TRIM58: variants seen among roughly 807,000 people sequenced by gnomAD.
TRIM58 encodes the protein tripartite motif containing 58.
Under a neutral mutation model 34.1 loss-of-function variants are expected in TRIM58, and 38 were observed. That is an observed-to-expected ratio of 1.12 (90% CI 0.86 to 1.46). The LOEUF is 1.46. TRIM58 is among the 40% of genes most tolerant of loss of function. The pLI, the probability that TRIM58 is intolerant of heterozygous loss-of-function variation, is 0.00. For missense variants in TRIM58, 677 were observed against 642.0 expected (o/e 1.05, Z -0.59); for synonymous variants, 273 against 275.7 (o/e 0.99, Z 0.10).
intron 5 of TRIM58, among the ~76,000 whole-genome samples, chr1:247,871,766 A>G (rs951315939): frequency 1.3e-5 from 2 of 152,252 alleles, no homozygotes; most frequent in African/African-American, 4.8e-5. Context: ...TTCAACAACA[A>G]CAACAAAATA....
chr1:247,858,752 CTTTTTTTTTTTTTT>C lies in TRIM58; in HGVS notation c.420+1099_420+1112del, dbSNP rs386370399. Among the ~76,000 whole-genome samples, 76 of 87,876 alleles carry C rather than the reference CTTTTTTTTTTTTTT, an allele frequency of 8.6e-4. 1 individual carries two copies. The highest frequency in any genetic ancestry group is 3.4e-3 in the African/African-American group (70 of 20,848). The allele number at this position is 87,876 out of a possible 152,430, so 57.7% of individuals were successfully genotyped here. A position where few individuals can be genotyped will look rare whatever the true frequency, so the allele number is the denominator to read the frequency against. ...AGTCCAGAAAGAGGATTGGTAGTAA[CTTTTTTTTTTTTTT>C]TTTTTTTTTTTTGAGACGGAGTCTA... On this transcript the variant is annotated intron_variant, in intron 1 of 5. Coordinates refer to ENST00000366481, the MANE Select transcript of TRIM58 (RefSeq NM_015431.4).
chr1:247,866,670 A>G (rs1490015685), intron 3 of TRIM58, among the ~76,000 whole-genome samples: 3 of 151,786 alleles, frequency 2.0e-5, no homozygotes, highest in Non-Finnish European at 4.4e-5. Flanking sequence ...TGGCTCAATC[A>G]TAGCTCACTG....
chr1:247,870,287 G>T (rs958061194), intron 5 of TRIM58, among the ~76,000 whole-genome samples: 2 of 151,996 alleles, frequency 1.3e-5, no homozygotes, highest in African/African-American at 4.8e-5. Flanking sequence ...ATTAGGATTG[G>T]TATATTCATG....
In TRIM58 at chr1:247,871,016, C is replaced by T. The variant is rs111882588; in HGVS notation, c.871+2953C>T. ...GCCACCCATAGAGCCTGCACCACCA[C>T]GCCCAGAAGAACGAGGATTAGTATA... On this transcript the variant is annotated intron_variant, in intron 5 of 5. Coordinates refer to ENST00000366481, the MANE Select transcript of TRIM58 (RefSeq NM_015431.4). Among the ~76,000 whole-genome samples the T allele has an allele frequency of 1.1e-3, 156 of 137,510 alleles. No homozygotes were observed. The East Asian group carries it at 0.02, about 17-fold the overall frequency. The allele number at this position is 137,510 out of a possible 152,430, so 90.2% of individuals were successfully genotyped here. A position where few individuals can be genotyped will look rare whatever the true frequency, so the allele number is the denominator to read the frequency against.
intron 5 of TRIM58, 125 bp downstream of exon 5, chr1:247,868,188 T>G (rs1424782386): frequency 2.7e-6 from 2 of 749,846 alleles, no homozygotes; most frequent in Non-Finnish European, 4.4e-6. Context: ...TTTGTCACTA[T>G]GCCAGTCAGC....
In TRIM58 at chr1:247,858,891, C is replaced by G. The variant is rs187236197; in HGVS notation, c.420+1225C>G. Among the ~76,000 whole-genome samples the G allele has an allele frequency of 2.9e-3, 436 of 151,374 alleles. 2 individuals carry two copies. The highest frequency in any genetic ancestry group is 0.01 in the African/African-American group (421 of 41,242). The stretch of plus-strand genomic sequence containing the variant: ...AAGCAATTCTCCTGCCTCAGCCTCC[C>G]GGGTAGCTGGGATTACAGGTATGCG... On this transcript the variant is annotated intron_variant, in intron 1 of 5. Transcript: ENST00000366481.
Position 247,879,414 on chromosome 1 carries a change from C to T in TRIM58, c.*2925C>T, listed in dbSNP as rs1659360078. Among the ~76,000 whole-genome samples the T allele has an allele frequency of 6.6e-6, 1 of 152,180 alleles. No individual in the cohort carries two copies. The highest frequency in any genetic ancestry group is 2.1e-4 in the South Asian group (1 of 4,830). ...TTTCCTCACAGTGGTCCTGCTTGGGCTCTAGGCCCTTCCACTCCCATTCTC... is the reference window on the plus strand; with the variant it reads ...TTTCCTCACAGTGGTCCTGCTTGGGTTCTAGGCCCTTCCACTCCCATTCTC... On this transcript the variant is annotated 3_prime_UTR_variant, in exon 6 of 6. Transcript: ENST00000366481.
chr1:247,865,061 T>G, intron 3 of TRIM58, 126 bp downstream of exon 3: 1 of 865,330 alleles, frequency 1.2e-6, no homozygotes. Flanking sequence ...TCAAATTTAC[T>G]CAGAAGGCAG....
Position 247,876,472 on chromosome 1 carries a change from A to T in TRIM58, c.1444A>T (p.Arg482Ter), listed in dbSNP as rs1659290575. The part of the protein sequence containing the change: ...RDHLDPASDV[R>*]DDHL ...TCATTTAGATCCTGCTTCTGATGTA[A>T]GAGATGATCATCTCTAAAATTCTGT... The change falls in exon 6 of 6, where the codon AGA (arginine) becomes TGA (stop). Residue 482 changes from arginine to a stop codon, truncating the protein, a stop_gained. Transcript: ENST00000366481. LOFTEE classifies it high-confidence loss of function. 2 of 1,613,346 alleles carry T rather than the reference A, an allele frequency of 1.2e-6. No individual in the cohort carries two copies. Among genetic ancestry groups the T allele is most frequent in the Non-Finnish European group, 1.7e-6 (2 of 1,179,724 alleles).
chr1:247,877,476 G>A lies in TRIM58; in HGVS notation c.*987G>A, dbSNP rs1659317350. On this transcript the variant is annotated 3_prime_UTR_variant, in exon 6 of 6. Transcript: ENST00000366481. ...AGGAGCCTGTAATCCCAGCTATTCT[G>A]GAGGTGGAGACAGGAGAATTGCTTG... 6.6e-6 allele frequency: 1 copy of A among 152,058 alleles called. No homozygotes were observed. The highest frequency in any genetic ancestry group is 2.4e-5 in the African/African-American group (1 of 41,402). The allele number at this position is 152,058 out of a possible 1,614,324, so 9.4% of individuals were successfully genotyped here. A position where few individuals can be genotyped will look rare whatever the true frequency, so the allele number is the denominator to read the frequency against.
chr1:247,867,080 A>G (rs1187841551), intron 3 of TRIM58, among the ~76,000 whole-genome samples: 1 of 152,162 alleles, frequency 6.6e-6, no homozygotes, highest in Non-Finnish European at 1.5e-5. Flanking sequence ...TAATGTTACT[A>G]GTTATTAAAG....
At position 247,867,370 on chromosome 1, in the gene TRIM58, G is replaced by T. The variant is rs150203256; in HGVS notation, c.748-475G>T. ...ATAATTAAATTGATAGGTGTTGCAG[G>T]AATTAACCTAAACTTTGTATAGCTT... On this transcript the variant is annotated intron_variant, in intron 3 of 5. Coordinates refer to ENST00000366481, the MANE Select transcript of TRIM58 (RefSeq NM_015431.4). 4.6e-5 allele frequency among the ~76,000 whole-genome samples: 7 copies of T among 152,234 alleles called. No homozygotes were observed. In the East Asian group the frequency reaches 1.4e-3, roughly 29 times the overall value.
Position 247,868,042 on chromosome 1 carries a change from G to A in TRIM58, c.850G>A (p.Glu284Lys), listed in dbSNP as rs1363376184. ...KTACCIPGRR[E>K]LLRKFQVDVK... is the part of the protein sequence containing the mutation. ...AGCATGCTGCATCCCTGGGAGGAGG[G>A]AGCTCTTAAGGAAGTTCCAAGGTAG... Residue 284 changes from glutamate to lysine, a missense_variant, in exon 5 of 6, where the codon GAG (glutamate) becomes AAG (lysine). Coordinates refer to ENST00000366481, the MANE Select transcript of TRIM58 (RefSeq NM_015431.4). The A allele has an allele frequency of 6.2e-7, 1 of 1,608,900 alleles. No individual in the cohort carries two copies.
At chr1:247,864,537 ACTT>A (rs1297606824) in intron 2 of TRIM58, among the ~76,000 whole-genome samples, 165 bp from the exon 3 acceptor site, 13 of 152,296 alleles carry the variant, frequency 8.5e-5, no homozygotes, top group African/African-American at 3.1e-4. Flanking sequence ...CTCCTGGGCT[ACTT>A]CTTATATGAA....
rs1659327735 is a variant in TRIM58, at chr1:247,877,969, G to A, written c.*1480G>A. ...AGGTCAGGAGATTGAGACCATCCTG[G>A]CTAACACAGTGAAACCCCGTCTCTA... is the stretch of plus-strand genomic sequence containing the variant. On this transcript the variant is annotated 3_prime_UTR_variant, in exon 6 of 6. Coordinates refer to ENST00000366481, the MANE Select transcript of TRIM58 (RefSeq NM_015431.4). The A allele has an allele frequency of 6.6e-6, 1 of 151,996 alleles. No individual in the cohort carries two copies. Among genetic ancestry groups the A allele is most frequent in the South Asian group, 2.1e-4 (1 of 4,826 alleles). The allele number at this position is 151,996 out of a possible 1,614,324, so 9.4% of individuals were successfully genotyped here.
At chr1:247,872,328 T>C (rs1659148513) in intron 5 of TRIM58, among the ~76,000 whole-genome samples, 1 of 152,186 alleles carries the variant, frequency 6.6e-6, no homozygotes, top group Admixed American at 6.5e-5. Flanking sequence ...TGTGTTGGAA[T>C]AGATGTTATT....
intron 2 of TRIM58, 95 bp downstream of exon 2, chr1:247,860,807 T>C (rs1275670889): frequency 1.0e-6 from 1 of 962,710 alleles, no homozygotes; most frequent in East Asian, 2.5e-5. Context: ...TCCAGCACTT[T>C]TGTTCCATCT....
rs113253160 is a variant in TRIM58 at position 247,869,088 on chromosome 1, C to T, written c.871+1025C>T. Among the ~76,000 whole-genome samples the T allele has an allele frequency of 9.9e-4, 151 of 152,180 alleles. 1 individual carries two copies. Among genetic ancestry groups the T allele is most frequent in the African/African-American group, 3.4e-3 (141 of 41,522 alleles). ...CTAATTTTTATATTTTTAGTAGAGA[C>T]GGGGTCTCACCATGTTAGCCAGGCT... is the stretch of plus-strand genomic sequence containing the variant. On this transcript the variant is annotated intron_variant, in intron 5 of 5. Transcript: ENST00000366481.
chr1:247,879,255 A>C lies in TRIM58; in HGVS notation c.*2766A>C, dbSNP rs1327535999. Among the ~76,000 whole-genome samples, 2 of 152,168 alleles carry C rather than the reference A, an allele frequency of 1.3e-5. No homozygotes were observed. The highest frequency in any genetic ancestry group is 4.8e-5 in the African/African-American group (2 of 41,438). Reference sequence around the variant, plus strand: ...GATTGAGTACTTTCTTGATTTCTCCAGCCCACATCCAGTCCATCGGCAAGC... The same window carrying C: ...GATTGAGTACTTTCTTGATTTCTCCCGCCCACATCCAGTCCATCGGCAAGC... On this transcript the variant is annotated 3_prime_UTR_variant, in exon 6 of 6. Coordinates refer to ENST00000366481, the MANE Select transcript of TRIM58 (RefSeq NM_015431.4).
Sources: gnomAD v4.1 joint callset for allele counts (sites outside exome capture counted in the v4.1 genomes callset) on GRCh38, gnomAD v4.1.1 for gene constraint, MANE v1.5 for transcripts, NCBI Gene and HGNC (gene_info 2026-07-23, HGNC 2026-07-21) for gene names.